Variants in PTPRN2 observed in about 807,000 individuals in gnomAD.
PTPRN2 encodes the protein protein tyrosine phosphatase receptor type N2.
A neutral mutation model predicts 118.8 loss-of-function variants in PTPRN2; 74 were observed. That is an observed-to-expected ratio of 0.62 (90% CI 0.52 to 0.76). The LOEUF (loss-of-function observed/expected upper bound fraction) is 0.76. PTPRN2 is among the 30% of genes least tolerant of loss of function. PTPRN2 has a pLI of 0.00. For synonymous variants in PTPRN2, 641 were observed against 608.0 expected (o/e 1.05, Z -0.80); for missense variants, 1,481 against 1,394.4 (o/e 1.06, Z -0.99).
At chr7:158,125,048 G>T (rs1213746416) in intron 9 of PTPRN2, among the ~76,000 whole-genome samples, 1 of 152,180 alleles carries the variant, frequency 6.6e-6, no homozygotes, top group Non-Finnish European at 1.5e-5. Flanking sequence ...CATAGGAGGG[G>T]AGACAGCTGG....
At chr7:158,440,437 G>A (rs555669516) in intron 2 of PTPRN2, among the ~76,000 whole-genome samples, 25 of 149,098 alleles carry the variant, frequency 1.7e-4, no homozygotes, top group African/African-American at 6.2e-4. Flanking sequence ...CAGTGGTGGT[G>A]GTGATGATGG....
chr7:158,110,939 G>A, intron 9 of PTPRN2, 24 bp from the exon 10 acceptor site: 1 of 1,539,186 alleles, frequency 6.5e-7, no homozygotes, highest in Non-Finnish European at 8.7e-7. Flanking sequence ...CAGGGATGGG[G>A]AGCAGTCACC....
chr7:158,421,391 T>G (rs772831899), intron 2 of PTPRN2, among the ~76,000 whole-genome samples: 2 of 152,254 alleles, frequency 1.3e-5, no homozygotes, highest in Non-Finnish European at 2.9e-5. Context: ...TTTTGAACAC[T>G]GAGCGGAGGG....
chr7:158,541,851 C>A, intron 1 of PTPRN2: 3 of 560,640 alleles, frequency 5.4e-6, no homozygotes, highest in Non-Finnish European at 6.8e-6. Context: ...GCGCATCACA[C>A]CTGCTTCCAA....
Position 158,363,139 on chromosome 7 carries a change from T to C in PTPRN2, c.164-46207A>G, listed in dbSNP as rs141447777. Among the ~76,000 whole-genome samples, 365 of 152,138 alleles carry C rather than the reference T, an allele frequency of 2.4e-3. 1 individual carries two copies. The highest frequency in any genetic ancestry group is 8.5e-3 in the African/African-American group (352 of 41,504). Reference sequence around the variant, plus strand: ...CCCTGGGGCCAGATGGCCAGCACCATGGACAGCAGCTCGCCAGCCTTCGCT... The same window carrying C: ...CCCTGGGGCCAGATGGCCAGCACCACGGACAGCAGCTCGCCAGCCTTCGCT... On this transcript the variant is annotated intron_variant, in intron 2 of 22. Transcript: ENST00000389418.
intron 12 of PTPRN2, 79 bp downstream of exon 12, chr7:157,898,594 C>A: frequency 1.4e-6 from 2 of 1,394,192 alleles, no homozygotes; most frequent in African/African-American, 1.4e-5. Flanking sequence ...GCAGGTCCAG[C>A]CTCTGTTCTC....
At chr7:158,276,307 C>T (rs1798978052) in intron 3 of PTPRN2, among the ~76,000 whole-genome samples, 1 of 77,792 alleles carries the variant, frequency 1.3e-5, no homozygotes, top group Non-Finnish European at 3.2e-5. Context: ...ACACCCCGGC[C>T]CCGACAGGCT....
intron 6 of PTPRN2, among the ~76,000 whole-genome samples, chr7:158,154,229 C>A (rs550130666): frequency 6.6e-6 from 1 of 152,178 alleles, no homozygotes; most frequent in African/African-American, 2.4e-5. Flanking sequence ...TCAGCCAAAC[C>A]GGGCTCAAAC....
chr7:157,600,965 C>T (rs1028116901), intron 16 of PTPRN2, among the ~76,000 whole-genome samples: 2 of 152,066 alleles, frequency 1.3e-5, no homozygotes, highest in Admixed American at 1.3e-4. Flanking sequence ...TTTTTTCTCC[C>T]TTAATAGACA....
intron 12 of PTPRN2, among the ~76,000 whole-genome samples, chr7:157,698,803 C>T (rs995764676): frequency 1.3e-5 from 2 of 152,056 alleles, no homozygotes; most frequent in Admixed American, 6.6e-5. Flanking sequence ...CCATAAGGCA[C>T]GTATTTAATA....
At chr7:158,210,131 C>CTTTTTT (rs869191127) in intron 3 of PTPRN2, among the ~76,000 whole-genome samples, 9 of 108,664 alleles carry the variant, frequency 8.3e-5, no homozygotes, top group African/African-American at 1.1e-4. Context: ...AATGATGCAT[C>CTTTTTT]TTTTTTTTTT....
intron 4 of PTPRN2, among the ~76,000 whole-genome samples, chr7:158,198,378 A>G (rs947811721): frequency 6.6e-5 from 10 of 152,240 alleles, no homozygotes; most frequent in Non-Finnish European, 2.9e-5. Context: ...TAAAAAGATG[A>G]AAAATGTTTT....
Position 158,171,260 on chromosome 7 carries a change from TATACACACATATATAC to T in PTPRN2, c.550-3985_550-3970del, listed in dbSNP as rs1390662460. 3.5e-4 allele frequency among the ~76,000 whole-genome samples: 39 copies of T among 110,616 alleles called. 4 individuals are homozygous for T. The South Asian group carries it at 9.7e-3, about 27-fold the overall frequency. The allele number at this position is 110,616 out of a possible 152,430, so 72.6% of individuals were successfully genotyped here. A position where few individuals can be genotyped will look rare whatever the true frequency, so the allele number is the denominator to read the frequency against. ...ATATACACATATATACACACATATA[TATACACACATATATAC>T]ACACATATATATACACACATATATA... On this transcript the variant is annotated intron_variant, in intron 5 of 22. Coordinates refer to ENST00000389418, the MANE Select transcript of PTPRN2 (RefSeq NM_002847.5).
intron 10 of PTPRN2, among the ~76,000 whole-genome samples, chr7:158,083,505 T>C (rs72621124): frequency 0.039 from 6,001 of 152,206 alleles, 191 homozygotes; most frequent in East Asian, 0.18. Context: ...TGCTGAAAGT[T>C]TTCTCTAAAG....
At position 157,986,171 on chromosome 7, in the gene PTPRN2, G is replaced by T. The variant is rs1311008861; in HGVS notation, c.1724-87434C>A. On this transcript the variant is annotated intron_variant, in intron 11 of 22. Coordinates refer to ENST00000389418, the MANE Select transcript of PTPRN2 (RefSeq NM_002847.5). The surrounding 1 kb of genome is among the most constrained non-coding windows in gnomAD (Gnocchi z 4.5). ...TACCCTCATCTACAGCCCCGCTCTC[G>T]TATGTCCGGGGGAAGCTATGGAGAG... 1.3e-5 allele frequency among the ~76,000 whole-genome samples: 2 copies of T among 152,160 alleles called. No homozygotes were observed. The highest frequency in any genetic ancestry group is 4.8e-5 in the African/African-American group (2 of 41,432).
intron 14 of PTPRN2, among the ~76,000 whole-genome samples, chr7:157,631,558 C>T (rs1210502015): frequency 1.3e-5 from 2 of 150,196 alleles, no homozygotes; most frequent in South Asian, 2.1e-4. Flanking sequence ...ATTAGCCAGG[C>T]GTGGTGGCGG....
intron 14 of PTPRN2, among the ~76,000 whole-genome samples, chr7:157,630,556 TACTC>T (rs1803880864): frequency 6.6e-6 from 1 of 152,180 alleles, no homozygotes; most frequent in African/African-American, 2.4e-5. Flanking sequence ...TTACGGGTCT[TACTC>T]AACAGCTGAA....
chr7:157,877,367 TAG>T (rs767278949), intron 12 of PTPRN2, among the ~76,000 whole-genome samples: 5 of 134,188 alleles, frequency 3.7e-5, no homozygotes, highest in Admixed American at 7.4e-5. Flanking sequence ...AGTGCCACAC[TAG>T]AGTTTTCTCG....
At chr7:157,950,168 T>C (rs1800718121) in intron 11 of PTPRN2, among the ~76,000 whole-genome samples, 1 of 152,214 alleles carries the variant, frequency 6.6e-6, no homozygotes, top group African/African-American at 2.4e-5. Flanking sequence ...TGTTCTTGTG[T>C]GTTCAGTATC....
Sources: allele counts gnomAD v4.1 joint callset (sites outside exome capture counted in the v4.1 genomes callset), GRCh38; gene constraint gnomAD v4.1.1; non-coding constraint Gnocchi (gnomAD v3.1); transcripts MANE v1.5; gene names NCBI Gene and HGNC (gene_info 2026-07-23, HGNC 2026-07-21).